MBNL1: variants seen among roughly 807,000 people sequenced by gnomAD.
The protein encoded by MBNL1 is muscleblind like splicing regulator 1.
Under a neutral mutation model 42.2 loss-of-function variants are expected in MBNL1, and 8 were observed. That is an observed-to-expected ratio of 0.19 (90% CI 0.11 to 0.34). The LOEUF (loss-of-function observed/expected upper bound fraction) is 0.34. Among genes scored for constraint, MBNL1 ranks in the 10% least tolerant of loss-of-function variants. The pLI, the probability that MBNL1 is intolerant of heterozygous loss-of-function variation, is 1.00. For synonymous variants in MBNL1, 169 were observed against 173.9 expected (o/e 0.97, Z 0.22); for missense variants, 309 against 495.3 (o/e 0.62, Z 3.57).
chr3:152,355,374 A>C (rs796487225), intron 2 of MBNL1, among the ~76,000 whole-genome samples: 3 of 152,350 alleles, frequency 2.0e-5, no homozygotes, highest in African/African-American at 7.2e-5. Flanking sequence ...TAAACCTGCA[A>C]GGATTATGTA....
chr3:152,444,145 T>C (rs923860192), intron 4 of MBNL1, among the ~76,000 whole-genome samples: 1 of 152,210 alleles, frequency 6.6e-6, no homozygotes, highest in Non-Finnish European at 1.5e-5. Context: ...AAAAGATACT[T>C]GAACAATTAA....
At chr3:152,269,300 C>T in intron 1 of MBNL1, 1 of 351,928 alleles carries the variant, frequency 2.8e-6, no homozygotes, top group Non-Finnish European at 5.6e-6. Flanking sequence ...GCCGCTCCTG[C>T]GCCCTTCCCT....
chr3:152,250,566 C>G (rs1179433472), intron 2 of MBNL1, among the ~76,000 whole-genome samples: 6 of 152,052 alleles, frequency 3.9e-5, no homozygotes. Context: ...CGTCTGCAAA[C>G]AGGGACAATT....
At chr3:152,435,772 G>T (rs2099070668) in intron 4 of MBNL1, among the ~76,000 whole-genome samples, 1 of 152,070 alleles carries the variant, frequency 6.6e-6, no homozygotes, top group African/African-American at 2.4e-5. Flanking sequence ...CTGCTTAACT[G>T]TTATTCCTAA....
chr3:152,299,516 C>T lies in MBNL1; in HGVS notation c.-678C>T. On this transcript the variant is annotated 5_prime_UTR_variant, in exon 2 of 10. Transcript: ENST00000324210. The stretch of plus-strand genomic sequence containing the variant: ...AGCTAGACTGTGACGACAGCACATC[C>T]ACCCTCCACCTCTAGCCCAGACACC... 2.6e-6 allele frequency: 1 copy of T among 391,854 alleles called. No homozygotes were observed. Among genetic ancestry groups the T allele is most frequent in the Non-Finnish European group, 4.5e-6 (1 of 222,178 alleles). 24.3% of individuals were successfully genotyped at this position (391,854 alleles called of 1,614,324 possible). A position where few individuals can be genotyped will look rare whatever the true frequency, so the allele number is the denominator to read the frequency against.
chr3:152,386,834 G>A (rs867677416), intron 2 of MBNL1, among the ~76,000 whole-genome samples: 1 of 152,054 alleles, frequency 6.6e-6, no homozygotes. Context: ...CATATTTATA[G>A]TTTTTATTTC....
chr3:152,369,597 C>T (rs1338350400), intron 2 of MBNL1, among the ~76,000 whole-genome samples: 1 of 152,146 alleles, frequency 6.6e-6, no homozygotes, highest in African/African-American at 2.4e-5. Flanking sequence ...ACCAGCTCCT[C>T]TTTGTACCTC....
intron 1 of MBNL1, among the ~76,000 whole-genome samples, chr3:152,277,767 T>G (rs1370565094): frequency 6.6e-6 from 1 of 152,120 alleles, no homozygotes; most frequent in African/African-American, 2.4e-5. Context: ...TATGTTTTAT[T>G]TAATATACAG....
intron 2 of MBNL1, chr3:152,262,799 T>C (rs1459604015): frequency 6.6e-6 from 1 of 152,204 alleles, no homozygotes; most frequent in Non-Finnish European, 1.5e-5. Flanking sequence ...TGGTAGAAAG[T>C]GTTTTACAAT....
upstream of MBNL1, chr3:152,263,412 G>C (rs2036634277): frequency 6.6e-6 from 1 of 152,104 alleles, no homozygotes; most frequent in Non-Finnish European, 1.5e-5. Context: ...CACACAAACA[G>C]GCATACCACA....
Position 152,414,961 on chromosome 3 carries a change from C to T in MBNL1, c.195C>T (p.Asn65=), listed in dbSNP as rs1161984618. The change falls in exon 3 of 10, where the codon AAC becomes AAT. Residue 65 remains asparagine (N), a synonymous_variant. Coordinates refer to ENST00000324210, the MANE Select transcript of MBNL1 (RefSeq NM_021038.5). ...TCTAGGGCCGTTGCTCCAGGGAGAA[C>T]TGCAAATATCTTCATCCACCCCCAC... The part of the protein sequence containing the change: ...DSLKGRCSRE[N]CKYLHPPPHL... 1 of 1,609,382 alleles carries T rather than the reference C, an allele frequency of 6.2e-7. No homozygotes were observed. Among genetic ancestry groups the T allele is most frequent in the African/African-American group, 1.3e-5 (1 of 74,620 alleles).
rs762606353 is a variant in MBNL1 at position 152,464,278 on chromosome 3, A to AT, written c.*1914dup. 3.6e-4 allele frequency: 55 copies of AT among 152,722 alleles called. No individual in the cohort carries two copies. The East Asian group carries it at 5.2e-3, about 14-fold the overall frequency. 9.5% of individuals were successfully genotyped at this position (152,722 alleles called of 1,614,324 possible). ...TCCTTCATAACATACTCAGTTTTGA[A>AT]TTACATGTAGTGTCACATGAATATT... On this transcript the variant is annotated 3_prime_UTR_variant, in exon 10 of 10. Transcript: ENST00000324210.
intron 2 of MBNL1, among the ~76,000 whole-genome samples, chr3:152,319,614 G>GT (rs202070328): frequency 0.18 from 13,991 of 79,124 alleles, 1,888 homozygotes; most frequent in Non-Finnish European, 0.21. Context: ...GTTCTATACT[G>GT]TTTTTTTTTT....
intron 1 of MBNL1, among the ~76,000 whole-genome samples, chr3:152,297,934 G>T (rs752021252): frequency 2.0e-5 from 3 of 152,162 alleles, no homozygotes; most frequent in Non-Finnish European, 2.9e-5. Flanking sequence ...GATTACAGGC[G>T]TGATCCACCA....
intron 9 of MBNL1, 109 bp downstream of exon 9, chr3:152,459,454 G>A: frequency 2.2e-6 from 1 of 444,860 alleles, no homozygotes; most frequent in Non-Finnish European, 4.0e-6. Context: ...AATATATACA[G>A]ATCACATTTT....
chr3:152,312,019 G>A (rs1277653274), intron 2 of MBNL1, among the ~76,000 whole-genome samples: 1 of 151,604 alleles, frequency 6.6e-6, no homozygotes, highest in South Asian at 2.1e-4. Flanking sequence ...GTGAAACCCC[G>A]TCTCTACTAA....
chr3:152,360,507 C>G (rs2095854821), intron 2 of MBNL1, among the ~76,000 whole-genome samples: 1 of 152,058 alleles, frequency 6.6e-6, no homozygotes, highest in Admixed American at 6.6e-5. Flanking sequence ...CTCTCTCTGT[C>G]CTTTAAGACT....
At chr3:152,341,146 AT>A (rs1329637048) in intron 2 of MBNL1, among the ~76,000 whole-genome samples, 5 of 152,248 alleles carry the variant, frequency 3.3e-5, no homozygotes, top group African/African-American at 1.2e-4. Context: ...TAATTCTTTC[AT>A]ATATAAAAAC....
rs888151913 is a variant in MBNL1 at position 152,445,624 on chromosome 3, G to A, written c.807+85G>A. On this transcript the variant is annotated intron_variant, in intron 5 of 9. Transcript: ENST00000324210. ...TATCTGACTACAAGCTATTCATTTA[G>A]TAACCTTTTTAAAAAAATTGCTGAA... 36 of 1,425,910 alleles carry A rather than the reference G, an allele frequency of 2.5e-5. No homozygotes were observed. The Admixed American group carries it at 5.3e-4, about 21-fold the overall frequency. The allele number at this position is 1,425,910 out of a possible 1,614,324, so 88.3% of individuals were successfully genotyped here. A position where few individuals can be genotyped will look rare whatever the true frequency, so the allele number is the denominator to read the frequency against.
Sources: gnomAD v4.1 joint callset for allele counts (sites outside exome capture counted in the v4.1 genomes callset) on GRCh38, gnomAD v4.1.1 for gene constraint, MANE v1.5 for transcripts, NCBI Gene and HGNC (gene_info 2026-07-23, HGNC 2026-07-21) for gene names.